Variants in ACOXL observed in about 807,000 individuals in gnomAD.
The protein encoded by ACOXL is acyl-coenzyme A oxidase-like protein.
A neutral mutation model predicts 71.9 loss-of-function variants in ACOXL; 70 were observed. The observed-to-expected ratio is 0.97, with a 90% CI of 0.80 to 1.19. ACOXL has a LOEUF of 1.19. Among genes scored for constraint, ACOXL ranks in the 50% most tolerant of loss-of-function variants. ACOXL has a pLI of 0.00. For synonymous variants in ACOXL, 253 were observed against 281.6 expected, an observed-to-expected ratio of 0.90 and a Z score of 1.02; for missense variants, 703 against 736.3, an observed-to-expected ratio of 0.95 and a Z score of 0.52.
intron 16 of ACOXL, among the ~76,000 whole-genome samples, chr2:111,071,640 G>C (rs1384927886): frequency 6.6e-6 from 1 of 152,132 alleles, no homozygotes; most frequent in African/African-American, 2.4e-5. Flanking sequence ...ATATCACGCT[G>C]GTATTACCAT....
chr2:110,846,641 G>GCACACCCACACACACA (rs1553562228), intron 10 of ACOXL, among the ~76,000 whole-genome samples: 12 of 137,928 alleles, frequency 8.7e-5, no homozygotes, highest in African/African-American at 3.2e-4. Flanking sequence ...ATGCATACAC[G>GCACACCCACACACACA]CACACACACA....
rs182787520 is a variant in ACOXL, at chr2:110,853,377, C to T, written c.788+11972C>T. ...ACTGCCCTCGACTGAGAGCTCCTGA[C>T]GGTAAGCACAGTGTTGATTCCTCTT... On this transcript the variant is annotated intron_variant, in intron 10 of 17. Transcript: ENST00000439055. 1.5e-3 allele frequency among the ~76,000 whole-genome samples: 227 copies of T among 152,268 alleles called. 8 individuals carry two copies. The highest frequency in any genetic ancestry group is 1.7e-3 in the Non-Finnish European group (114 of 68,022).
At chr2:111,082,639 GA>G (rs1251818833) in intron 16 of ACOXL, among the ~76,000 whole-genome samples, 1 of 152,128 alleles carries the variant, frequency 6.6e-6, no homozygotes, top group Non-Finnish European at 1.5e-5. Context: ...AGATTCCAGT[GA>G]TCTAGAACCA....
intron 17 of ACOXL, among the ~76,000 whole-genome samples, chr2:111,101,514 C>T (rs1200568746): frequency 3.3e-5 from 5 of 152,122 alleles, no homozygotes; most frequent in Admixed American, 6.5e-5. Flanking sequence ...CACATTCAGA[C>T]GCTAGAATTG....
intron 9 of ACOXL, among the ~76,000 whole-genome samples, chr2:110,819,389 G>A (rs1688340637): frequency 6.6e-6 from 1 of 152,192 alleles, no homozygotes; most frequent in Non-Finnish European, 1.5e-5. Flanking sequence ...TTTAGGGAAG[G>A]AAGTGTGGGT....
At chr2:111,088,950 TTAAG>T (rs1202241847) in intron 16 of ACOXL, among the ~76,000 whole-genome samples, 2 of 152,316 alleles carry the variant, frequency 1.3e-5, no homozygotes, top group East Asian at 1.9e-4. Flanking sequence ...TAAGGATTAA[TTAAG>T]TAAGGCTTAT....
intron 16 of ACOXL, among the ~76,000 whole-genome samples, chr2:111,056,112 A>G (rs1382874351): frequency 6.6e-6 from 1 of 151,980 alleles, no homozygotes; most frequent in Admixed American, 6.6e-5. Flanking sequence ...AGGCAGGAGC[A>G]TTGTTTGAGC....
intron 9 of ACOXL, among the ~76,000 whole-genome samples, chr2:110,814,920 G>GT (rs1008879395): frequency 3.3e-4 from 50 of 151,766 alleles, no homozygotes; most frequent in African/African-American, 1.2e-3. Context: ...AATTGCCTTT[G>GT]TTTTTTTTCT....
chr2:110,869,057 C>T (rs1202258467), intron 10 of ACOXL, among the ~76,000 whole-genome samples: 2 of 152,208 alleles, frequency 1.3e-5, no homozygotes, highest in Non-Finnish European at 2.9e-5. Context: ...ACCTTAACTA[C>T]ATTACTTACT....
intron 16 of ACOXL, among the ~76,000 whole-genome samples, chr2:111,082,282 T>G (rs111651660): frequency 0.094 from 14,237 of 150,724 alleles, 725 homozygotes; most frequent in Non-Finnish European, 0.11. Flanking sequence ...CTGACAAAGG[T>G]CTACTACCCA....
At chr2:110,760,389 C>T (rs1057315229) in intron 1 of ACOXL, among the ~76,000 whole-genome samples, 1 of 152,150 alleles carries the variant, frequency 6.6e-6, no homozygotes, top group Non-Finnish European at 1.5e-5. Context: ...CGTGATCCGC[C>T]CGCCTCAGCC....
At chr2:110,794,664 A>G (rs968222436) in intron 5 of ACOXL, among the ~76,000 whole-genome samples, 6 of 152,158 alleles carry the variant, frequency 3.9e-5, no homozygotes, top group Non-Finnish European at 8.8e-5. Flanking sequence ...GACATTTTAC[A>G]TGACAACAGA....
intron 3 of ACOXL, among the ~76,000 whole-genome samples, chr2:110,790,463 C>T (rs1396346155): frequency 2.0e-5 from 3 of 152,134 alleles, no homozygotes. Context: ...ATCATTACCT[C>T]GTGTGCTCGA....
At chr2:110,842,337 C>T (rs977797372) in intron 10 of ACOXL, among the ~76,000 whole-genome samples, 1 of 151,996 alleles carries the variant, frequency 6.6e-6, no homozygotes, top group African/African-American at 2.4e-5. Flanking sequence ...TTTCTGGAGA[C>T]CTATGAAAGA....
chr2:110,770,048 GAACA>G (rs1271110352), intron 2 of ACOXL, among the ~76,000 whole-genome samples: 2 of 151,906 alleles, frequency 1.3e-5, no homozygotes, highest in Non-Finnish European at 2.9e-5. Context: ...GTCTCAAAAT[GAACA>G]AACAAACAAA....
At chr2:110,985,749 G>A (rs2062905166) in intron 12 of ACOXL, among the ~76,000 whole-genome samples, 1 of 152,190 alleles carries the variant, frequency 6.6e-6, no homozygotes, top group African/African-American at 2.4e-5. Flanking sequence ...AAGCTTTGGT[G>A]TAACTAAGTT....
At chr2:111,049,081 G>T in intron 15 of ACOXL, 137 bp from the exon 16 acceptor site, 1 of 700,424 alleles carries the variant, frequency 1.4e-6, no homozygotes. Context: ...GGACAGTTGG[G>T]GAGCTCTGCC....
chr2:110,919,109 T>C (rs2059970387), intron 11 of ACOXL, among the ~76,000 whole-genome samples: 1 of 151,938 alleles, frequency 6.6e-6, no homozygotes, highest in South Asian at 2.1e-4. Flanking sequence ...CACAGGTAGG[T>C]ATGTTTGTTA....
At chr2:110,800,853 G>A (rs1252397043) in intron 7 of ACOXL, among the ~76,000 whole-genome samples, 2 of 152,192 alleles carry the variant, frequency 1.3e-5, no homozygotes, top group African/African-American at 4.8e-5. Context: ...GTCAGATGTT[G>A]CTGAGAGCAG....
Sources: allele counts gnomAD v4.1 joint callset (sites outside exome capture counted in the v4.1 genomes callset), GRCh38; gene constraint gnomAD v4.1.1; transcripts MANE v1.5; gene names NCBI Gene and HGNC (gene_info 2026-07-23, HGNC 2026-07-21).